The following MSMB variants were observed in gnomAD, a reference collection of about 807,000 sequenced individuals.
The protein encoded by MSMB is microseminoprotein beta, also known as beta-microseminoprotein.
In MSMB, 10 loss-of-function variants were observed where a neutral mutation model predicts 10.5. The observed-to-expected ratio is 0.95, with a 90% CI of 0.59 to 1.62. The LOEUF is 1.62. Among genes scored for constraint, MSMB ranks in the 40% most tolerant of loss-of-function variants. The probability of loss-of-function intolerance (pLI) is 0.00; values close to 1 mark genes in which losing one functional copy is unlikely to be tolerated. For synonymous variants in MSMB, 43 were observed against 46.5 expected (o/e 0.93, Z 0.30); for missense variants, 126 against 137.4 (o/e 0.92, Z 0.42).
At chr10:46,034,328 C>T (rs1012897070) in intron 3 of MSMB, among the ~76,000 whole-genome samples, 1 of 151,438 alleles carries the variant, frequency 6.6e-6, no homozygotes, top group Non-Finnish European at 1.5e-5. Context: ...GGAGGTCTCA[C>T]CATGTTGGCC....
intron 3 of MSMB, among the ~76,000 whole-genome samples, chr10:46,037,576 T>C (rs1840638625): frequency 6.6e-6 from 1 of 152,120 alleles, no homozygotes; most frequent in South Asian, 2.1e-4. Flanking sequence ...GCATAGCCTT[T>C]GGGCTGACGT....
rs782262580 is a variant in MSMB at position 46,038,292 on chromosome 10, A to AT, written c.215+673dup. 6.7e-3 allele frequency among the ~76,000 whole-genome samples: 965 copies of AT among 143,356 alleles called. 4 individuals are homozygous for AT. Among genetic ancestry groups the AT allele is most frequent in the Admixed American group, 0.011 (152 of 14,296 alleles). The allele number at this position is 143,356 out of a possible 152,430, so 94.0% of individuals were successfully genotyped here. Reference sequence around the variant, plus strand: ...TTTACGTTACGTATATTTTACCGCAATTTTTTTTTTTTTTAGACACAGTCT... The same window carrying AT: ...TTTACGTTACGTATATTTTACCGCAATTTTTTTTTTTTTTTAGACACAGTCT... On this transcript the variant is annotated intron_variant, in intron 3 of 3. Transcript: ENST00000582163.
Position 46,033,553 on chromosome 10 carries a change from T to C in MSMB, c.216-2A>G, listed in dbSNP as rs1351415272. The C allele has an allele frequency of 6.2e-7, 1 of 1,613,244 alleles. No individual in the cohort carries two copies. The highest frequency in any genetic ancestry group is 8.5e-7 in the Non-Finnish European group (1 of 1,179,264). Reference sequence around the variant, plus strand: ...TCATAACCCACAGGTGTAGAAACACTGTCATTGAGACAAAACTGGGGCCTG... The same window carrying C: ...TCATAACCCACAGGTGTAGAAACACCGTCATTGAGACAAAACTGGGGCCTG... On this transcript the variant is annotated splice_acceptor_variant, in intron 3 of 3. Transcript: ENST00000582163. LOFTEE classifies it high-confidence loss of function.
At chr10:46,035,812 A>G (rs1436055604) in intron 3 of MSMB, among the ~76,000 whole-genome samples, 1 of 152,098 alleles carries the variant, frequency 6.6e-6, no homozygotes, top group African/African-American at 2.4e-5. Flanking sequence ...TATGTAGTAT[A>G]CATTTTACCA....
intron 1 of MSMB, among the ~76,000 whole-genome samples, chr10:46,040,472 T>C (rs1554928356): frequency 6.6e-6 from 1 of 152,202 alleles, no homozygotes; most frequent in Non-Finnish European, 1.5e-5. Context: ...CAAAACTAAG[T>C]TGCTTAACCA....
rs1348485770 is a variant in MSMB, at chr10:46,038,989, T to C, written c.192A>G (p.Glu64=). The C allele has an allele frequency of 1.9e-6, 3 of 1,613,872 alleles. No individual in the cohort carries two copies. Among genetic ancestry groups the C allele is most frequent in the Non-Finnish European group, 2.5e-6 (3 of 1,179,892 alleles). The change falls in exon 3 of 4, where the codon GAA becomes GAG. Residue 64 remains glutamate, a synonymous_variant. Coordinates refer to ENST00000582163, the MANE Select transcript of MSMB (RefSeq NM_002443.4). ...TDNCETCTCY[E]TEISCCTLVS... ...ACAGGGTGCAACATGAAATTTCTGTTTCGTAGCAAGTGCATGTCTCACAGT... is the reference window on the plus strand; with the variant it reads ...ACAGGGTGCAACATGAAATTTCTGTCTCGTAGCAAGTGCATGTCTCACAGT...
At chr10:46,042,356 G>A (rs1232771032) in intron 1 of MSMB, among the ~76,000 whole-genome samples, 1 of 152,068 alleles carries the variant, frequency 6.6e-6, no homozygotes, top group African/African-American at 2.4e-5. Context: ...CAAAAGAAAT[G>A]TAAATATGTA....
Position 46,043,954 on chromosome 10 carries a change from C to T in MSMB, c.3+2281G>A, listed in dbSNP as rs189509806. 2.2e-3 allele frequency among the ~76,000 whole-genome samples: 328 copies of T among 152,104 alleles called. 1 individual carries two copies. The highest frequency in any genetic ancestry group is 8.3e-3 in the South Asian group (40 of 4,810). On this transcript the variant is annotated intron_variant, in intron 1 of 3. Coordinates refer to ENST00000582163, the MANE Select transcript of MSMB (RefSeq NM_002443.4). ...CCTCCCAAAGTGCTGGGATTATGGG[C>T]GTGAGCCACCGCGCCCAACCAGACA...
Position 46,037,995 on chromosome 10 carries a change from T to C in MSMB, c.215+971A>G, listed in dbSNP as rs192316879. On this transcript the variant is annotated intron_variant, in intron 3 of 3. Coordinates refer to ENST00000582163, the MANE Select transcript of MSMB (RefSeq NM_002443.4). ...ACACAGATGAACCATGAGGATATTA[T>C]GCTAAGTGAAATGAGCCAGTCTCAA... Among the ~76,000 whole-genome samples the C allele has an allele frequency of 8.9e-4, 135 of 152,316 alleles. 1 individual carries two copies. Among genetic ancestry groups the C allele is most frequent in the Non-Finnish European group, 2.4e-4 (16 of 68,016 alleles).
chr10:46,034,373 A>G (rs1554927264), intron 3 of MSMB, among the ~76,000 whole-genome samples: 1 of 151,064 alleles, frequency 6.6e-6, no homozygotes, highest in Non-Finnish European at 1.5e-5. Flanking sequence ...CAAATGATCC[A>G]CCCACCTTGT....
At chr10:46,033,987 G>A (rs1230187987) in intron 3 of MSMB, among the ~76,000 whole-genome samples, 1 of 152,232 alleles carries the variant, frequency 6.6e-6, no homozygotes, top group African/African-American at 2.4e-5. Context: ...CAGTGTCATG[G>A]AGCCCAGGGA....
intron 3 of MSMB, among the ~76,000 whole-genome samples, chr10:46,036,920 A>C (rs142073755): frequency 4.5e-4 from 68 of 152,298 alleles, no homozygotes; most frequent in African/African-American, 1.6e-3. Context: ...GAGTGACATC[A>C]ACACTTGATA....
intron 1 of MSMB, among the ~76,000 whole-genome samples, chr10:46,043,617 G>A (rs1554928930): frequency 6.6e-6 from 1 of 152,090 alleles, no homozygotes; most frequent in African/African-American, 2.4e-5. Flanking sequence ...CCAACCCAGT[G>A]CTGCTTTAAT....
At chr10:46,044,186 G>A (rs1840825066) in intron 1 of MSMB, among the ~76,000 whole-genome samples, 1 of 152,056 alleles carries the variant, frequency 6.6e-6, no homozygotes, top group South Asian at 2.1e-4. Flanking sequence ...AGCTCCTGAT[G>A]TGTGCAGGAG....
At chr10:46,043,241 T>A (rs782437140) in intron 1 of MSMB, among the ~76,000 whole-genome samples, 3 of 152,032 alleles carry the variant, frequency 2.0e-5, no homozygotes, top group Non-Finnish European at 1.5e-5. Flanking sequence ...CCAGGACAAG[T>A]GACATGTGCA....
intron 1 of MSMB, among the ~76,000 whole-genome samples, chr10:46,044,072 A>T (rs1298623147): frequency 3.3e-5 from 5 of 152,012 alleles, no homozygotes; most frequent in African/African-American, 1.2e-4. Context: ...TCTGAGGTCC[A>T]CCCCTGAGTA....
At chr10:46,044,011 G>C (rs1010899226) in intron 1 of MSMB, among the ~76,000 whole-genome samples, 18 of 152,208 alleles carry the variant, frequency 1.2e-4, no homozygotes, top group Middle Eastern at 3.4e-3. Context: ...TTCTGCTTCA[G>C]TAGGTCTTTA....
chr10:46,040,380 A>G (rs957928467), intron 1 of MSMB, among the ~76,000 whole-genome samples: 6 of 152,338 alleles, frequency 3.9e-5, no homozygotes, highest in African/African-American at 1.2e-4. Context: ...TGAGGAGGCC[A>G]TTTGTTTGGA....
intron 1 of MSMB, among the ~76,000 whole-genome samples, chr10:46,045,067 T>TCTCCCACCTCCCTTGGCTC (rs1840861471): frequency 2.0e-5 from 3 of 152,068 alleles, no homozygotes; most frequent in Admixed American, 2.0e-4. Flanking sequence ...CTGAGGACCC[T>TCTCCCACCTCCCTTGGCTC]CTCCCACCTC....
Sources: gnomAD v4.1 joint callset for allele counts (sites outside exome capture counted in the v4.1 genomes callset) on GRCh38, gnomAD v4.1.1 for gene constraint, MANE v1.5 for transcripts, NCBI Gene and HGNC (gene_info 2026-07-23, HGNC 2026-07-21) for gene names.